PNLIPRP3: variants seen among roughly 807,000 people sequenced by gnomAD.
PNLIPRP3 encodes the protein pancreatic lipase related protein 3.
Under a neutral mutation model 52.8 loss-of-function variants are expected in PNLIPRP3, and 58 were observed. That is an observed-to-expected ratio of 1.10 (90% CI 0.89 to 1.37). The LOEUF (loss-of-function observed/expected upper bound fraction) is 1.37. Ranked by LOEUF, PNLIPRP3 falls within the 40% of genes most tolerant of loss-of-function variation. PNLIPRP3 has a pLI of 0.00. For synonymous variants in PNLIPRP3, 192 were observed against 185.0 expected (o/e 1.04, Z -0.31); for missense variants, 593 against 561.6 (o/e 1.06, Z -0.57).
chr10:116,461,198 T>G lies in PNLIPRP3; in HGVS notation c.716T>G (p.Leu239Arg). 1 of 1,614,212 alleles carries G rather than the reference T, an allele frequency of 6.2e-7. No homozygotes were observed. Among genetic ancestry groups the G allele is most frequent in the Non-Finnish European group, 8.5e-7 (1 of 1,180,016 alleles). The change falls in exon 7 of 12, where the codon CTT becomes CGT. Residue 239 changes from leucine (L) to arginine (R), a missense_variant. Physicochemically the swap from Leu to Arg is moderately radical, Grantham distance 102. Transcript: ENST00000369230. ...GGAACCATTGATGCTTGTGGTCATCTTGACTTTTACCCAAATGGAGGGAAG... is the reference window on the plus strand; with the variant it reads ...GGAACCATTGATGCTTGTGGTCATCGTGACTTTTACCCAAATGGAGGGAAG... ...GVGTIDACGH[L>R]DFYPNGGKHM...
At chr10:116,468,581 C>T (rs1341265255) in intron 8 of PNLIPRP3, among the ~76,000 whole-genome samples, 2 of 152,166 alleles carry the variant, frequency 1.3e-5, no homozygotes, top group Non-Finnish European at 2.9e-5. Flanking sequence ...AATACTTCCG[C>T]CTTTATAAAC....
At chr10:116,447,009 G>C (rs1225622903) in intron 4 of PNLIPRP3, among the ~76,000 whole-genome samples, 2 of 152,102 alleles carry the variant, frequency 1.3e-5, no homozygotes, top group Non-Finnish European at 2.9e-5. Flanking sequence ...GGGCCAATGA[G>C]AACAAAGATG....
In PNLIPRP3 at chr10:116,443,182, A is replaced by T; in HGVS notation, c.324+8A>T. 6.2e-7 allele frequency: 1 copy of T among 1,605,556 alleles called. No individual in the cohort carries two copies. The highest frequency in any genetic ancestry group is 2.2e-5 in the East Asian group (1 of 44,564). ...CAGAGAGACATGTGCAATGTATGAC[A>T]TGAATAAGCTCCTTTTTACACTAGC... On this transcript the variant is annotated splice_region_variant and intron_variant, in intron 3 of 11. Coordinates refer to ENST00000369230, the MANE Select transcript of PNLIPRP3 (RefSeq NM_001011709.3).
chr10:116,428,316 G>A (rs1401372745), intron 1 of PNLIPRP3, among the ~76,000 whole-genome samples: 1 of 152,052 alleles, frequency 6.6e-6, no homozygotes, highest in Non-Finnish European at 1.5e-5. Flanking sequence ...ACATAAAGAA[G>A]CATCTATTTC....
intron 9 of PNLIPRP3, 26 bp downstream of exon 9, chr10:116,469,343 G>T: frequency 6.3e-7 from 1 of 1,583,008 alleles, no homozygotes; most frequent in Non-Finnish European, 8.6e-7. Flanking sequence ...AAGTTTAATT[G>T]TAATGCTTTA....
chr10:116,474,734 T>G (rs1346769813), intron 10 of PNLIPRP3, among the ~76,000 whole-genome samples: 4 of 151,978 alleles, frequency 2.6e-5, no homozygotes, highest in African/African-American at 4.8e-5. Flanking sequence ...GAAATGCAAA[T>G]CAAAACTACA....
intron 2 of PNLIPRP3, among the ~76,000 whole-genome samples, chr10:116,441,255 G>A (rs1256892046): frequency 6.6e-6 from 1 of 152,140 alleles, no homozygotes; most frequent in Non-Finnish European, 1.5e-5. Flanking sequence ...TACCTGGATG[G>A]AAAACAGATG....
chr10:116,438,815 C>T (rs1203844816), intron 2 of PNLIPRP3, among the ~76,000 whole-genome samples: 1 of 152,132 alleles, frequency 6.6e-6, no homozygotes, highest in Non-Finnish European at 1.5e-5. Context: ...AAAGTTCTTA[C>T]TATGGGTATA....
intron 9 of PNLIPRP3, among the ~76,000 whole-genome samples, chr10:116,470,431 G>A (rs754869167): frequency 3.9e-5 from 6 of 152,094 alleles, no homozygotes; most frequent in South Asian, 2.1e-4. Flanking sequence ...GACCAGCAAA[G>A]CTTATCGTTA....
chr10:116,452,209 G>A (rs1265321099), intron 4 of PNLIPRP3, among the ~76,000 whole-genome samples: 1 of 152,196 alleles, frequency 6.6e-6, no homozygotes, highest in Non-Finnish European at 1.5e-5. Context: ...TCTAGCAGAA[G>A]AAGTTTCTAA....
intron 10 of PNLIPRP3, among the ~76,000 whole-genome samples, chr10:116,475,992 G>A (rs1199846601): frequency 6.6e-6 from 1 of 152,142 alleles, no homozygotes; most frequent in Non-Finnish European, 1.5e-5. Context: ...AGAGATGTTG[G>A]TTTGGGTGCC....
chr10:116,449,120 A>G (rs1462446751), intron 4 of PNLIPRP3, among the ~76,000 whole-genome samples: 5 of 152,080 alleles, frequency 3.3e-5, no homozygotes, highest in African/African-American at 4.8e-5. Context: ...TTGAGTCCAA[A>G]GGTTTGAAGG....
chr10:116,433,924 G>C (rs920947417), intron 1 of PNLIPRP3, among the ~76,000 whole-genome samples: 1 of 152,208 alleles, frequency 6.6e-6, no homozygotes, highest in Admixed American at 6.5e-5. Context: ...AAGTAACCTA[G>C]CAAAAGCTAG....
chr10:116,468,767 T>C (rs989314396), intron 8 of PNLIPRP3, among the ~76,000 whole-genome samples: 2 of 152,212 alleles, frequency 1.3e-5, no homozygotes, highest in Non-Finnish European at 2.9e-5. Flanking sequence ...TGAAGAACAA[T>C]ACAACTTTCC....
chr10:116,475,214 A>G (rs1277261424), intron 10 of PNLIPRP3, among the ~76,000 whole-genome samples: 1 of 152,230 alleles, frequency 6.6e-6, no homozygotes, highest in African/African-American at 2.4e-5. Context: ...GTTCTCACTT[A>G]TAAGTGGGAG....
intron 8 of PNLIPRP3, among the ~76,000 whole-genome samples, chr10:116,468,022 G>C (rs1846307243): frequency 6.7e-6 from 1 of 150,238 alleles, no homozygotes; most frequent in Admixed American, 6.7e-5. Context: ...CTACTCGGGA[G>C]GCTGAGGCAG....
chr10:116,436,919 C>T, intron 2 of PNLIPRP3, 54 bp downstream of exon 2: 1 of 1,477,498 alleles, frequency 6.8e-7, no homozygotes, highest in Non-Finnish European at 9.1e-7. Flanking sequence ...TAAGATTTGC[C>T]TATAGATACA....
intron 9 of PNLIPRP3, among the ~76,000 whole-genome samples, chr10:116,470,027 C>T (rs946131573): frequency 1.3e-5 from 2 of 149,232 alleles, no homozygotes; most frequent in African/African-American, 2.5e-5. Context: ...AAGGTGGAAG[C>T]AAAATGGACC....
At chr10:116,436,305 G>A (rs1845772395) in intron 1 of PNLIPRP3, among the ~76,000 whole-genome samples, 1 of 152,090 alleles carries the variant, frequency 6.6e-6, no homozygotes, top group East Asian at 1.9e-4. Flanking sequence ...ACATACAAAA[G>A]AATGAAATTG....
Sources: gnomAD v4.1 joint callset for allele counts (sites outside exome capture counted in the v4.1 genomes callset) on GRCh38, gnomAD v4.1.1 for gene constraint, MANE v1.5 for transcripts, NCBI Gene and HGNC (gene_info 2026-07-23, HGNC 2026-07-21) for gene names.